Variants in CCDC148 observed in about 807,000 individuals in gnomAD.
The protein encoded by CCDC148 is coiled-coil domain containing 148, also known as coiled-coil domain-containing protein 148.
In CCDC148, 89 loss-of-function variants were observed where a neutral mutation model predicts 85.7. The observed-to-expected ratio is 1.04, with a 90% CI of 0.87 to 1.24. The LOEUF (loss-of-function observed/expected upper bound fraction) is 1.24. Ranked by LOEUF, CCDC148 falls within the 50% of genes most tolerant of loss-of-function variation. CCDC148 has a pLI of 0.00. For missense variants in CCDC148, 692 were observed against 671.7 expected (o/e 1.03, Z -0.33); for synonymous variants, 230 against 213.9 (o/e 1.08, Z -0.66).
chr2:158,362,290 A>C (rs981514334), intron 1 of CCDC148, among the ~76,000 whole-genome samples: 1 of 152,214 alleles, frequency 6.6e-6, no homozygotes, highest in African/African-American at 2.4e-5. Context: ...AAGGATATTC[A>C]GGACTTGAAC....
intron 7 of CCDC148, among the ~76,000 whole-genome samples, chr2:158,333,086 G>A (rs1693230250): frequency 6.6e-6 from 1 of 151,988 alleles, no homozygotes; most frequent in South Asian, 2.1e-4. Flanking sequence ...TTTTGAATGT[G>A]TTTGCTCTTG....
intron 9 of CCDC148, among the ~76,000 whole-genome samples, chr2:158,253,939 A>T (rs1428016131): frequency 6.6e-6 from 1 of 151,638 alleles, no homozygotes; most frequent in Non-Finnish European, 1.5e-5. Flanking sequence ...AATAAAATTG[A>T]ATCTGATCAA....
At chr2:158,365,536 C>T (rs1436159906) in intron 1 of CCDC148, among the ~76,000 whole-genome samples, 2 of 152,158 alleles carry the variant, frequency 1.3e-5, no homozygotes, top group Non-Finnish European at 2.9e-5. Context: ...AACCATCACT[C>T]TCAGCAAACT....
At chr2:158,443,239 GGGGTGGGAGGATCTCTTGGGAGTCCA>G (rs1246051685) in intron 1 of CCDC148, among the ~76,000 whole-genome samples, 1 of 151,852 alleles carries the variant, frequency 6.6e-6, no homozygotes, top group Non-Finnish European at 1.5e-5. Context: ...TTTGGGAGTC[GGGGTGGGAGGATCTCTTGGGAGTCCA>G]GGGTGGGAGG....
At chr2:158,331,834 C>T (rs1693144953) in intron 7 of CCDC148, among the ~76,000 whole-genome samples, 2 of 152,122 alleles carry the variant, frequency 1.3e-5, no homozygotes, top group Admixed American at 1.3e-4. Flanking sequence ...GCAACACCTG[C>T]CTTTTTCTGT....
At chr2:158,290,172 G>T (rs1690821542) in intron 9 of CCDC148, among the ~76,000 whole-genome samples, 1 of 152,190 alleles carries the variant, frequency 6.6e-6, no homozygotes, top group Admixed American at 6.5e-5. Flanking sequence ...CTGAAGGATG[G>T]CAGGTGGCTG....
At chr2:158,176,774 C>T (rs1477904956) in intron 12 of CCDC148, 113 bp from the exon 13 acceptor site, 1 of 1,234,372 alleles carries the variant, frequency 8.1e-7, no homozygotes, top group Non-Finnish European at 1.1e-6. Flanking sequence ...AAAGGTAAAG[C>T]CTGAGAGGAA....
At chr2:158,236,681 T>C (rs1356033395) in intron 10 of CCDC148, among the ~76,000 whole-genome samples, 4 of 152,174 alleles carry the variant, frequency 2.6e-5, no homozygotes, top group Non-Finnish European at 5.9e-5. Flanking sequence ...CCACAGAGCC[T>C]ACATAACTTG....
chr2:158,434,637 A>T (rs900005183), intron 1 of CCDC148, among the ~76,000 whole-genome samples: 1 of 152,242 alleles, frequency 6.6e-6, no homozygotes, highest in African/African-American at 2.4e-5. Flanking sequence ...TGACGAGTTC[A>T]GAGAAGAACG....
intron 2 of CCDC148, among the ~76,000 whole-genome samples, chr2:158,348,238 T>C (rs1683090320): frequency 6.6e-6 from 1 of 152,100 alleles, no homozygotes; most frequent in Non-Finnish European, 1.5e-5. Context: ...TCAGTAAGTG[T>C]TCTTGACAAA....
At chr2:158,252,778 G>C (rs752701047) in intron 9 of CCDC148, among the ~76,000 whole-genome samples, 3 of 151,580 alleles carry the variant, frequency 2.0e-5, no homozygotes, top group East Asian at 1.9e-4. Context: ...CCCCTTCTAG[G>C]AGTTCATTCT....
chr2:158,345,158 G>C (rs1682929430), intron 3 of CCDC148, 57 bp downstream of exon 3: 1 of 1,189,696 alleles, frequency 8.4e-7, no homozygotes, highest in Non-Finnish European at 1.2e-6. Context: ...CATCTGACAA[G>C]ATAAGTGCTA....
chr2:158,433,743 C>T lies in CCDC148; in HGVS notation c.25+22672G>A, dbSNP rs184269302. On this transcript the variant is annotated intron_variant, in intron 1 of 13. Transcript: ENST00000283233. The stretch of plus-strand genomic sequence containing the variant: ...CCTAGCCAAAGGAAGCTGTGACAGA[C>T]GGTACCTGGAAAATCAGGACACTCA... 1.9e-3 allele frequency among the ~76,000 whole-genome samples: 288 copies of T among 152,236 alleles called. 3 individuals carry two copies. Among genetic ancestry groups the T allele is most frequent in the Admixed American group, 0.016 (252 of 15,298 alleles).
chr2:158,436,235 C>G (rs957802923), intron 1 of CCDC148, among the ~76,000 whole-genome samples: 1 of 152,176 alleles, frequency 6.6e-6, no homozygotes, highest in Non-Finnish European at 1.5e-5. Context: ...AAGTAAAGCA[C>G]TCCTCAGCAA....
At chr2:158,381,345 T>C (rs754712384) in intron 1 of CCDC148, among the ~76,000 whole-genome samples, 1 of 152,092 alleles carries the variant, frequency 6.6e-6, no homozygotes, top group Admixed American at 6.6e-5. Context: ...GATACCCAAG[T>C]GGCCAATAAA....
intron 1 of CCDC148, among the ~76,000 whole-genome samples, chr2:158,387,477 T>A (rs1032462444): frequency 6.6e-6 from 1 of 151,936 alleles, no homozygotes; most frequent in Non-Finnish European, 1.5e-5. Flanking sequence ...TAAAATCTCA[T>A]CCCTCATCTA....
At chr2:158,289,681 C>T (rs1281666145) in intron 9 of CCDC148, among the ~76,000 whole-genome samples, 1 of 152,162 alleles carries the variant, frequency 6.6e-6, no homozygotes. Context: ...TGGTACCTTG[C>T]CAAGTTGCAG....
At position 158,343,598 on chromosome 2, in the gene CCDC148, T is replaced by G. The variant is rs10208772; in HGVS notation, c.251+1617A>C. Among the ~76,000 whole-genome samples the G allele has an allele frequency of 3.9e-5, 6 of 152,170 alleles. No homozygotes were observed. In the East Asian group the frequency reaches 1.2e-3, roughly 29 times the overall value. On this transcript the variant is annotated intron_variant, in intron 3 of 13. Coordinates refer to ENST00000283233, the MANE Select transcript of CCDC148 (RefSeq NM_138803.4). ...GCCCTTATCCTCCGCCTGCCTGAGA[T>G]TCTTAAATGTTGTCTTTTATGGTAA... is the stretch of plus-strand genomic sequence containing the variant.
intron 7 of CCDC148, among the ~76,000 whole-genome samples, chr2:158,330,035 C>CA (rs1236863475): frequency 4.6e-5 from 7 of 152,114 alleles, no homozygotes; most frequent in Non-Finnish European, 8.8e-5. Flanking sequence ...CCAGAACTTC[C>CA]AACGCTATGT....
Sources: gnomAD v4.1 joint callset for allele counts (sites outside exome capture counted in the v4.1 genomes callset) on GRCh38, gnomAD v4.1.1 for gene constraint, MANE v1.5 for transcripts, NCBI Gene and HGNC (gene_info 2026-07-23, HGNC 2026-07-21) for gene names.